Variants in PPP1R1C observed in about 807,000 individuals in gnomAD.
The protein encoded by PPP1R1C is protein phosphatase 1 regulatory subunit 1C.
PPP1R1C carries 15 observed loss-of-function variants against 17.4 expected under a neutral mutation model. The ratio of observed to expected loss-of-function variants is 0.86; its 90% CI spans 0.58 to 1.33. The LOEUF (loss-of-function observed/expected upper bound fraction) is 1.33. PPP1R1C is among the 40% of genes most tolerant of loss of function. PPP1R1C has a pLI of 0.00. For synonymous variants in PPP1R1C, 35 were observed against 43.1 expected (o/e 0.81, Z 0.73); for missense variants, 143 against 130.0 (o/e 1.10, Z -0.48).
In PPP1R1C at chr2:182,117,197, A is replaced by G. The variant is rs1244371004; in HGVS notation, c.242-10A>G. 32 of 1,514,774 alleles carry G rather than the reference A, an allele frequency of 2.1e-5. No individual in the cohort carries two copies. The highest frequency in any genetic ancestry group is 2.9e-5 in the Non-Finnish European group (32 of 1,121,420). 93.8% of individuals were successfully genotyped at this position (1,514,774 alleles called of 1,614,324 possible). A position where few individuals can be genotyped will look rare whatever the true frequency, so the allele number is the denominator to read the frequency against. ...ATCATTTAAATTTTGCATAATTTTT[A>G]TAATTTCAGGGGTTAAGCATCTGAA... On this transcript the variant is annotated splice_polypyrimidine_tract_variant and intron_variant, in intron 4 of 4. Coordinates refer to ENST00000682840, the MANE Select transcript of PPP1R1C (RefSeq NM_001080545.3).
chr2:182,084,648 C>T (rs1688575859), intron 4 of PPP1R1C, among the ~76,000 whole-genome samples: 1 of 152,132 alleles, frequency 6.6e-6, no homozygotes. Context: ...CAATACCATG[C>T]TGTTTTGGTT....
At chr2:182,033,258 C>T (rs1246756417) in intron 2 of PPP1R1C, among the ~76,000 whole-genome samples, 2 of 152,120 alleles carry the variant, frequency 1.3e-5, no homozygotes, top group Admixed American at 6.5e-5. Flanking sequence ...CTTGTAATAC[C>T]TATTCTCCTC....
At chr2:182,014,141 G>C (rs1257078805) in intron 2 of PPP1R1C, among the ~76,000 whole-genome samples, 1 of 152,120 alleles carries the variant, frequency 6.6e-6, no homozygotes, top group East Asian at 1.9e-4. Context: ...GTTGATTGTG[G>C]TCTTTATAGT....
intron 2 of PPP1R1C, among the ~76,000 whole-genome samples, chr2:181,996,329 A>G (rs1437406283): frequency 1.3e-5 from 2 of 152,054 alleles, no homozygotes; most frequent in Non-Finnish European, 2.9e-5. Context: ...AGCTGTGACA[A>G]TCAGGGGGCT....
exon 6 of PPP1R1C, chr2:182,129,289 A>G (rs1267822238): frequency 1.3e-5 from 2 of 152,144 alleles, no homozygotes; most frequent in East Asian, 1.9e-4. Context: ...GTACATTTTA[A>G]GTGATTCATT....
intron 2 of PPP1R1C, among the ~76,000 whole-genome samples, chr2:181,992,432 A>G (rs1244491703): frequency 7.4e-6 from 1 of 134,940 alleles, no homozygotes; most frequent in Non-Finnish European, 1.7e-5. Context: ...CCAGAGCTGG[A>G]CACAGTCTTC....
At chr2:182,002,410 G>C (rs939607004) in intron 2 of PPP1R1C, among the ~76,000 whole-genome samples, 2 of 152,042 alleles carry the variant, frequency 1.3e-5, no homozygotes, top group Admixed American at 6.5e-5. Context: ...ACGATTACCT[G>C]CTCCAAATTT....
rs1255481331 is a variant in PPP1R1C at position 181,979,617 on chromosome 2, T to C, written n.157+4353T>C. 2.0e-5 allele frequency among the ~76,000 whole-genome samples: 3 copies of C among 152,256 alleles called. No individual in the cohort carries two copies. In the East Asian group the frequency reaches 5.8e-4, roughly 29 times the overall value. ...AGAATGACTCAAAAGCTAGGCTCAG[T>C]TGGGGGTATCGGGGTATCTACTTTT... On this transcript the variant is annotated intron_variant and non_coding_transcript_variant, in intron 2 of 5. Transcript: ENST00000464264.
At chr2:182,107,419 C>T (rs1386608123) in intron 4 of PPP1R1C, among the ~76,000 whole-genome samples, 4 of 152,140 alleles carry the variant, frequency 2.6e-5, no homozygotes, top group Non-Finnish European at 4.4e-5. Flanking sequence ...GAGAGTCATT[C>T]CTGCCTTATT....
At chr2:181,996,210 G>A (rs1426901113) in intron 2 of PPP1R1C, among the ~76,000 whole-genome samples, 1 of 152,134 alleles carries the variant, frequency 6.6e-6, no homozygotes, top group Non-Finnish European at 1.5e-5. Context: ...GTACTCTGAA[G>A]ATATAACACG....
At chr2:181,971,887 C>G (rs1685014816) in intron 1 of PPP1R1C, among the ~76,000 whole-genome samples, 1 of 152,190 alleles carries the variant, frequency 6.6e-6, no homozygotes, top group Non-Finnish European at 1.5e-5. Context: ...CCTTTGCTCT[C>G]CTTTCCTCAA....
At chr2:181,978,469 T>A (rs1442425858) in intron 2 of PPP1R1C, among the ~76,000 whole-genome samples, 1 of 152,186 alleles carries the variant, frequency 6.6e-6, no homozygotes, top group Non-Finnish European at 1.5e-5. Context: ...ATTAGAATGC[T>A]TTGGAAGCTT....
chr2:181,997,570 T>C (rs550515626), intron 2 of PPP1R1C, among the ~76,000 whole-genome samples: 1 of 152,362 alleles, frequency 6.6e-6, no homozygotes, highest in East Asian at 1.9e-4. Flanking sequence ...ACATTGAAAT[T>C]ATTGGCATGG....
At chr2:182,049,847 A>G (rs1211532378) in intron 2 of PPP1R1C, among the ~76,000 whole-genome samples, 1 of 152,200 alleles carries the variant, frequency 6.6e-6, no homozygotes, top group Non-Finnish European at 1.5e-5. Flanking sequence ...TCACTTACCC[A>G]GTATAGCTTC....
At chr2:182,057,636 C>T (rs1437229160) in intron 2 of PPP1R1C, among the ~76,000 whole-genome samples, 5 of 151,994 alleles carry the variant, frequency 3.3e-5, no homozygotes, top group Non-Finnish European at 7.4e-5. Context: ...CCATTTTTTC[C>T]TCTAACACAT....
At chr2:182,007,142 T>C (rs560537383) in intron 2 of PPP1R1C, among the ~76,000 whole-genome samples, 1 of 152,320 alleles carries the variant, frequency 6.6e-6, no homozygotes, top group Admixed American at 6.5e-5. Context: ...GTTTCATTTT[T>C]TGAACCTATG....
intron 4 of PPP1R1C, among the ~76,000 whole-genome samples, chr2:182,081,162 G>A (rs969316096): frequency 2.6e-5 from 4 of 152,170 alleles, no homozygotes; most frequent in African/African-American, 9.7e-5. Flanking sequence ...GGAAGAATTT[G>A]GTTTCTACAT....
chr2:182,038,669 G>A (rs1000027173), intron 2 of PPP1R1C, among the ~76,000 whole-genome samples: 2 of 152,172 alleles, frequency 1.3e-5, no homozygotes, highest in African/African-American at 4.8e-5. Flanking sequence ...GAAAGGAAAA[G>A]GGTTTTTGTG....
chr2:181,986,850 G>A (rs1685312654), intron 1 of PPP1R1C, among the ~76,000 whole-genome samples: 1 of 152,150 alleles, frequency 6.6e-6, no homozygotes, highest in African/African-American at 2.4e-5. Flanking sequence ...TGATGCAATG[G>A]CATCTCTTAG....
Sources: gnomAD v4.1 joint callset for allele counts (sites outside exome capture counted in the v4.1 genomes callset) on GRCh38, gnomAD v4.1.1 for gene constraint, MANE v1.5 for transcripts, NCBI Gene and HGNC (gene_info 2026-07-23, HGNC 2026-07-21) for gene names.